Variants in THSD7A observed in about 807,000 individuals in gnomAD.
THSD7A encodes the protein thrombospondin type-1 domain-containing protein 7A.
THSD7A carries 96 observed loss-of-function variants against 231.3 expected under a neutral mutation model. That is an observed-to-expected ratio of 0.41 (90% CI 0.35 to 0.49). THSD7A has a LOEUF of 0.49. Ranked by LOEUF, THSD7A falls within the 20% of genes least tolerant of loss-of-function variation. The pLI is 0.05. For missense variants in THSD7A, 2,290 were observed against 2,070.2 expected (o/e 1.11, Z -2.06); for synonymous variants, 940 against 743.3 (o/e 1.26, Z -4.30).
chr7:11,801,750 T>C (rs1583302574), intron 1 of THSD7A, among the ~76,000 whole-genome samples: 1 of 152,128 alleles, frequency 6.6e-6, no homozygotes, highest in African/African-American at 2.4e-5. Flanking sequence ...TGACAAAAAA[T>C]CTGTATGTCG....
chr7:11,405,203 G>C (rs1464596873), intron 22 of THSD7A, among the ~76,000 whole-genome samples: 2 of 147,320 alleles, frequency 1.4e-5, no homozygotes, highest in Admixed American at 6.9e-5. Context: ...TGAATAAATA[G>C]CTAGCCCATG....
In THSD7A at chr7:11,831,979, T is replaced by C. The variant is rs1292733108; in HGVS notation, c.-33A>G. ...GCAGCCACTCCAGGGTCCAGAGCCG[T>C]AGCACGCTCGGCAGGGAATTTTTCT... On this transcript the variant is annotated 5_prime_UTR_variant, in exon 1 of 28. Transcript: ENST00000423059. The surrounding 1 kb of genome is among the most constrained non-coding windows in gnomAD (Gnocchi z 5.0). The C allele has an allele frequency of 5.8e-6, 7 of 1,214,906 alleles. No homozygotes were observed. Among genetic ancestry groups the C allele is most frequent in the Non-Finnish European group, 6.1e-6 (6 of 976,094 alleles). The allele number at this position is 1,214,906 out of a possible 1,614,324, so 75.3% of individuals were successfully genotyped here.
chr7:11,497,687 T>C (rs1047683811), intron 6 of THSD7A, among the ~76,000 whole-genome samples: 13 of 152,140 alleles, frequency 8.5e-5, no homozygotes, highest in African/African-American at 3.1e-4. Context: ...TAGAAGCAGC[T>C]AGTATGCTAA....
At chr7:11,455,822 A>T (rs1785289500) in intron 11 of THSD7A, among the ~76,000 whole-genome samples, 2 of 152,038 alleles carry the variant, frequency 1.3e-5, no homozygotes, top group Admixed American at 1.3e-4. Context: ...ATAAGTAAAC[A>T]GTTTACAATT....
intron 13 of THSD7A, among the ~76,000 whole-genome samples, chr7:11,434,304 G>A (rs914309914): frequency 1.3e-5 from 2 of 152,086 alleles, no homozygotes; most frequent in African/African-American, 2.4e-5. Flanking sequence ...CACAGAATTT[G>A]ACGCTTGGAA....
chr7:11,578,008 T>C (rs145112528), intron 4 of THSD7A, among the ~76,000 whole-genome samples: 2 of 152,318 alleles, frequency 1.3e-5, no homozygotes, highest in African/African-American at 4.8e-5. Flanking sequence ...AGGTCTATTT[T>C]TTTCCCAAGA....
At position 11,383,402 on chromosome 7, in the gene THSD7A, T is replaced by A. The variant is rs183046681; in HGVS notation, c.4412-786A>T. On this transcript the variant is annotated intron_variant, in intron 23 of 27. Transcript: ENST00000423059. ...ATTTTTAATTTTGTTATTCAAACAATGCTCTGAAGGTCAACTGTGTGCAAA... is the reference window on the plus strand; with the variant it reads ...ATTTTTAATTTTGTTATTCAAACAAAGCTCTGAAGGTCAACTGTGTGCAAA... Among the ~76,000 whole-genome samples the A allele has an allele frequency of 2.6e-5, 4 of 152,168 alleles. No individual in the cohort carries two copies. In the East Asian group the frequency reaches 7.7e-4, roughly 29 times the overall value.
intron 11 of THSD7A, among the ~76,000 whole-genome samples, chr7:11,452,517 C>A (rs894792678): frequency 6.6e-6 from 1 of 151,980 alleles, no homozygotes; most frequent in Non-Finnish European, 1.5e-5. Context: ...GATCCCCAGT[C>A]TCACTGATGC....
At chr7:11,412,104 C>T (rs1274548115) in intron 18 of THSD7A, among the ~76,000 whole-genome samples, 2 of 152,066 alleles carry the variant, frequency 1.3e-5, no homozygotes, top group African/African-American at 4.8e-5. Context: ...GAGTATGCAC[C>T]TTGATGGTAT....
chr7:11,681,548 G>A (rs940849381), intron 1 of THSD7A, among the ~76,000 whole-genome samples: 2 of 151,828 alleles, frequency 1.3e-5, no homozygotes, highest in Admixed American at 1.3e-4. Flanking sequence ...CCTATTCAGA[G>A]AAAAATGAAG....
chr7:11,488,516 G>C (rs1786755928), intron 6 of THSD7A, among the ~76,000 whole-genome samples: 4 of 151,966 alleles, frequency 2.6e-5, no homozygotes, highest in Admixed American at 2.6e-4. Context: ...GCTACATATT[G>C]CTTCATTTTA....
intron 1 of THSD7A, among the ~76,000 whole-genome samples, chr7:11,688,800 A>G (rs957454404): frequency 6.6e-6 from 1 of 151,820 alleles, no homozygotes; most frequent in African/African-American, 2.4e-5. Flanking sequence ...GCTGCATTTC[A>G]TCAAGTTCAC....
rs752910160 is a variant in THSD7A, at chr7:11,407,465, G to T, written c.3799-42C>A. The T allele has an allele frequency of 2.7e-6, 4 of 1,464,518 alleles. No individual in the cohort carries two copies. In the South Asian group the frequency reaches 3.6e-5, roughly 13 times the overall value. The allele number at this position is 1,464,518 out of a possible 1,614,324, so 90.7% of individuals were successfully genotyped here. On this transcript the variant is annotated intron_variant, in intron 19 of 27. Transcript: ENST00000423059. ...AGATCAGGATGTATATTGTAAATTG[G>T]GGGAGGGAGCCAGAGAATGAGGTGA...
chr7:11,622,326 C>A (rs1258440705), intron 2 of THSD7A, among the ~76,000 whole-genome samples: 1 of 151,898 alleles, frequency 6.6e-6, no homozygotes, highest in Non-Finnish European at 1.5e-5. Context: ...TTTCAATTAT[C>A]TTTACCATCT....
At chr7:11,423,850 C>T (rs887207020) in intron 16 of THSD7A, among the ~76,000 whole-genome samples, 4 of 152,022 alleles carry the variant, frequency 2.6e-5, no homozygotes, top group Admixed American at 2.0e-4. Context: ...AGTTCTAGAG[C>T]CCTTAAGGAT....
At chr7:11,803,620 C>G (rs1182045215) in intron 1 of THSD7A, among the ~76,000 whole-genome samples, 1 of 152,044 alleles carries the variant, frequency 6.6e-6, no homozygotes, top group Non-Finnish European at 1.5e-5. Flanking sequence ...TAAATAGATG[C>G]TATTGAGGCT....
At chr7:11,692,509 T>A (rs769814889) in intron 1 of THSD7A, among the ~76,000 whole-genome samples, 10 of 151,530 alleles carry the variant, frequency 6.6e-5, no homozygotes, top group Non-Finnish European at 1.5e-4. Flanking sequence ...AAATAAAATA[T>A]GAGGCAGATG....
chr7:11,801,133 CA>C lies in THSD7A; in HGVS notation c.190+30623del, dbSNP rs371000577. On this transcript the variant is annotated intron_variant, in intron 1 of 27. Coordinates refer to ENST00000423059, the MANE Select transcript of THSD7A (RefSeq NM_015204.3). Reference sequence around the variant, plus strand: ...CCTCGGCAACAAGGAGACCCCATTTCAAAAAAAATTTTTTTTTAATGAAAAC... The same window carrying C: ...CCTCGGCAACAAGGAGACCCCATTTCAAAAAAATTTTTTTTTAATGAAAAC... 3.9e-4 allele frequency among the ~76,000 whole-genome samples: 58 copies of C among 150,314 alleles called. 1 individual carries two copies. Among genetic ancestry groups the C allele is most frequent in the Middle Eastern group, 3.4e-3 (1 of 292 alleles).
chr7:11,400,594 A>G (rs1057245995), intron 23 of THSD7A, among the ~76,000 whole-genome samples: 2 of 152,122 alleles, frequency 1.3e-5, no homozygotes, highest in Non-Finnish European at 1.5e-5. Flanking sequence ...TATTTATTGT[A>G]ACTTTTGACC....
Sources: allele counts gnomAD v4.1 joint callset (sites outside exome capture counted in the v4.1 genomes callset), GRCh38; gene constraint gnomAD v4.1.1; non-coding constraint Gnocchi (gnomAD v3.1); transcripts MANE v1.5; gene names NCBI Gene and HGNC (gene_info 2026-07-23, HGNC 2026-07-21).